TRABD2A: variants seen among roughly 807,000 people sequenced by gnomAD.
TRABD2A encodes TraB domain containing 2A, also known as metalloprotease TIKI1.
A neutral mutation model predicts 45.6 loss-of-function variants in TRABD2A; 43 were observed. That is an observed-to-expected ratio of 0.94 (90% CI 0.74 to 1.22). The LOEUF (loss-of-function observed/expected upper bound fraction) is 1.22, where lower values mean the gene tolerates loss of function less well. TRABD2A is among the 50% of genes most tolerant of loss of function. TRABD2A has a pLI of 0.00. For missense variants in TRABD2A, 642 were observed against 652.4 expected, an observed-to-expected ratio of 0.98 and a Z score of 0.17; for synonymous variants, 269 against 265.0, an observed-to-expected ratio of 1.02 and a Z score of -0.15.
At position 84,824,076 on chromosome 2, in the gene TRABD2A, G is replaced by T. The variant is rs933687100; in HGVS notation, c.1211C>A (p.Ser404Tyr). Residue 404 changes from serine (S) to tyrosine (Y), a missense_variant, in exon 6 of 7, where the codon TCC (serine) becomes TAC (tyrosine). Physicochemically the swap from Ser to Tyr is moderately radical, Grantham distance 144. Transcript: ENST00000409520. ...GGGCGTGTCGGCACTTCCAGGCCGG[G>T]ACACAAGGGGAGGCAGCGTTGAGTG... ...SGHSTLPPLV[S>Y]RPGSADTPSE... The T allele has an allele frequency of 6.2e-7, 1 of 1,613,872 alleles. No homozygotes were observed. The highest frequency in any genetic ancestry group is 8.5e-7 in the Non-Finnish European group (1 of 1,179,818).
intron 2 of TRABD2A, among the ~76,000 whole-genome samples, chr2:84,863,510 G>GT (rs1161835667): frequency 6.6e-6 from 1 of 151,234 alleles, no homozygotes; most frequent in Non-Finnish European, 1.5e-5. Context: ...GGGATTACAG[G>GT]TGTGAGCCAC....
intron 2 of TRABD2A, among the ~76,000 whole-genome samples, chr2:84,860,857 G>A (rs1440444414): frequency 6.6e-6 from 1 of 152,204 alleles, no homozygotes; most frequent in East Asian, 1.9e-4. Flanking sequence ...GGTGTGTGGG[G>A]TCATCCCCAG....
At chr2:84,842,334 C>T (rs1050588613) in intron 2 of TRABD2A, among the ~76,000 whole-genome samples, 2 of 152,100 alleles carry the variant, frequency 1.3e-5, no homozygotes, top group African/African-American at 2.4e-5. Context: ...GGTGGGGCAG[C>T]GAGAGGGCTG....
chr2:84,875,780 C>T (rs1237984916), intron 1 of TRABD2A, among the ~76,000 whole-genome samples: 1 of 152,036 alleles, frequency 6.6e-6, no homozygotes, highest in Non-Finnish European at 1.5e-5. Flanking sequence ...GAAGCTTGAG[C>T]CCAAAAGTTT....
At chr2:84,874,759 A>T in intron 1 of TRABD2A, 2 of 247,974 alleles carry the variant, frequency 8.1e-6, no homozygotes, top group South Asian at 6.1e-5. Context: ...CAAGCCAACC[A>T]GTGACTGGAG....
chr2:84,870,176 A>T (rs1265227056), intron 2 of TRABD2A, 49 bp downstream of exon 2: 2 of 1,523,364 alleles, frequency 1.3e-6, no homozygotes, highest in Non-Finnish European at 1.8e-6. Context: ...CAACAGATTC[A>T]CCCATACAAC....
chr2:84,824,819 A>C (rs879393377), intron 5 of TRABD2A, among the ~76,000 whole-genome samples: 48 of 152,306 alleles, frequency 3.2e-4, no homozygotes, highest in African/African-American at 1.1e-3. Flanking sequence ...TGAGGGCTTT[A>C]TTCAGGAAGA....
At chr2:84,879,346 T>A (rs1181458885) in intron 1 of TRABD2A, among the ~76,000 whole-genome samples, 1 of 151,586 alleles carries the variant, frequency 6.6e-6, no homozygotes, top group Non-Finnish European at 1.5e-5. Context: ...ACGCTGGTAA[T>A]TTTTTTTATT....
rs1390762657 is a variant in TRABD2A at position 84,870,660 on chromosome 2, G to C, written c.234C>G (p.Phe78Leu). The change falls in exon 2 of 7, where the codon TTC (phenylalanine) becomes TTG (leucine). Residue 78 changes from phenylalanine to leucine, a missense_variant. Coordinates refer to ENST00000409520, the MANE Select transcript of TRABD2A (RefSeq NM_001277053.2). ...DFIPDNSKEA[F>L]LQSSIVYFEL... The stretch of plus-strand genomic sequence containing the variant: ...CAAAGTACACAATGCTGCTCTGCAG[G>C]AAAGCCTCCTTAGAGTTGTCGGGGA... 2 of 1,610,730 alleles carry C rather than the reference G, an allele frequency of 1.2e-6. No homozygotes were observed. Among genetic ancestry groups the C allele is most frequent in the Non-Finnish European group, 1.7e-6 (2 of 1,178,488 alleles).
At chr2:84,871,727 C>T (rs1035935690) in intron 1 of TRABD2A, among the ~76,000 whole-genome samples, 7 of 152,092 alleles carry the variant, frequency 4.6e-5, no homozygotes, top group African/African-American at 1.4e-4. Context: ...CCTTGTGATC[C>T]GCCCACCTCA....
Position 84,841,850 on chromosome 2 carries a change from A to T in TRABD2A, c.816+11T>A. 6.6e-7 allele frequency: 1 copy of T among 1,510,238 alleles called. No individual in the cohort carries two copies. The highest frequency in any genetic ancestry group is 2.3e-4 in the Middle Eastern group (1 of 4,332). The allele number at this position is 1,510,238 out of a possible 1,614,324, so 93.6% of individuals were successfully genotyped here. ...TGTGTGCTGAGCTTGGCAGGGGGAA[A>T]GGGTGCTCACCTGGGAGCTGTCATG... On this transcript the variant is annotated intron_variant, in intron 3 of 6. Coordinates refer to ENST00000409520, the MANE Select transcript of TRABD2A (RefSeq NM_001277053.2).
At chr2:84,853,250 G>A (rs532502285) in intron 2 of TRABD2A, among the ~76,000 whole-genome samples, 8 of 151,662 alleles carry the variant, frequency 5.3e-5, no homozygotes, top group South Asian at 2.1e-4. Context: ...CCGTTCTCAC[G>A]CTGCTAATAA....
chr2:84,880,643 G>T (rs547116187), intron 1 of TRABD2A, among the ~76,000 whole-genome samples: 1 of 152,232 alleles, frequency 6.6e-6, no homozygotes, highest in Admixed American at 6.5e-5. Context: ...CCGAAAGCTC[G>T]CGAAAATGGC....
At chr2:84,824,714 T>G (rs1681105046) in intron 5 of TRABD2A, among the ~76,000 whole-genome samples, 1 of 152,192 alleles carries the variant, frequency 6.6e-6, no homozygotes, top group Admixed American at 6.5e-5. Context: ...TAGTGAACAG[T>G]AAAGCTTTTA....
rs377331756 is a variant in TRABD2A at position 84,823,921 on chromosome 2, G to A, written c.1334+32C>T. 1.4e-5 allele frequency: 23 copies of A among 1,610,836 alleles called. No individual in the cohort carries two copies. In the South Asian group the frequency reaches 1.6e-4, roughly 12 times the overall value. On this transcript the variant is annotated intron_variant, in intron 6 of 6. Coordinates refer to ENST00000409520, the MANE Select transcript of TRABD2A (RefSeq NM_001277053.2). Reference sequence around the variant, plus strand: ...GGGTCCGCTCACTAGGGTAAAGGTGGATGCCAACCCGACCCAGCCTACTCG... The same window carrying A: ...GGGTCCGCTCACTAGGGTAAAGGTGAATGCCAACCCGACCCAGCCTACTCG...
At chr2:84,876,780 T>C (rs77228293) in intron 1 of TRABD2A, among the ~76,000 whole-genome samples, 10,506 of 152,270 alleles carry the variant, frequency 0.069, 477 homozygotes, top group Non-Finnish European at 0.094. Context: ...CTAGAAAGGC[T>C]CTGTCCAGCT....
chr2:84,846,789 C>T (rs758363123), intron 2 of TRABD2A, among the ~76,000 whole-genome samples: 4 of 152,226 alleles, frequency 2.6e-5, no homozygotes, highest in African/African-American at 9.7e-5. Context: ...AGACCCAAGA[C>T]GGATTCCTGA....
chr2:84,833,530 C>T (rs2105375429), intron 4 of TRABD2A: 1 of 152,244 alleles, frequency 6.6e-6, no homozygotes. Flanking sequence ...AAAGTCGCTG[C>T]TTGATTTTAA....
chr2:84,863,478 C>T (rs923888936), intron 2 of TRABD2A, among the ~76,000 whole-genome samples: 3 of 151,036 alleles, frequency 2.0e-5, no homozygotes, highest in Admixed American at 6.6e-5. Context: ...GTGATCCGCC[C>T]GCCTCGGCCT....
Sources: gnomAD v4.1 joint callset for allele counts (sites outside exome capture counted in the v4.1 genomes callset) on GRCh38, gnomAD v4.1.1 for gene constraint, MANE v1.5 for transcripts, NCBI Gene and HGNC (gene_info 2026-07-23, HGNC 2026-07-21) for gene names.